HUWE1: variants seen among roughly 807,000 people sequenced by gnomAD.
HUWE1 encodes E3 ubiquitin-protein ligase HUWE1.
HUWE1 carries 18 observed loss-of-function variants against 299.4 expected under a neutral mutation model. The ratio of observed to expected loss-of-function variants is 0.06; its 90% CI spans 0.04 to 0.09. The LOEUF (loss-of-function observed/expected upper bound fraction) is 0.09, where lower values mean the gene tolerates loss of function less well. Among genes scored for constraint, HUWE1 ranks in the 10% least tolerant of loss-of-function variants. The pLI is 1.00. For missense variants in HUWE1, 1,832 were observed against 3,462.3 expected, an observed-to-expected ratio of 0.53 and a Z score of 11.82; for synonymous variants, 1,317 against 1,286.1, an observed-to-expected ratio of 1.02 and a Z score of -0.51.
At chrX:53,574,320 C>T (rs2062992315) in intron 46 of HUWE1, among the ~76,000 whole-genome samples, 2 of 112,525 alleles carry the variant, frequency 1.8e-5, no homozygotes, top group African/African-American at 6.5e-5. Context: ...ATGCTGACCT[C>T]CTCCATAAAT....
chrX:53,569,172 G>C (rs2062706833), intron 48 of HUWE1, among the ~76,000 whole-genome samples: 1 of 111,274 alleles, frequency 9.0e-6, no homozygotes, highest in Non-Finnish European at 1.9e-5. Context: ...GACTACGGGA[G>C]CGTGCCACTA....
chrX:53,654,925 C>CT (rs2068675115), intron 3 of HUWE1, among the ~76,000 whole-genome samples: 1 of 111,512 alleles, frequency 9.0e-6, no homozygotes, highest in African/African-American at 3.3e-5. Flanking sequence ...CAAAACAACA[C>CT]TTTTTTCAAC....
intron 4 of HUWE1, among the ~76,000 whole-genome samples, chrX:53,652,586 A>T (rs2068540570): frequency 8.9e-6 from 1 of 112,220 alleles, no homozygotes; most frequent in Admixed American, 9.5e-5. Flanking sequence ...TTAGTAAAAG[A>T]CATTCAAGTA....
chrX:53,677,413 C>G (rs782664283), intron 3 of HUWE1, among the ~76,000 whole-genome samples: 1 of 109,703 alleles, frequency 9.1e-6, no homozygotes, highest in Non-Finnish European at 1.9e-5. Flanking sequence ...GATGAAGGAC[C>G]GTGTGGCACA....
chrX:53,623,669 TAAAC>T (rs2066293605), intron 19 of HUWE1, among the ~76,000 whole-genome samples: 1 of 112,110 alleles, frequency 8.9e-6, no homozygotes, highest in African/African-American at 3.2e-5. Flanking sequence ...ACAAAGACCA[TAAAC>T]AAAGTAAAAA....
rs782578229 is a variant in HUWE1, at chrX:53,538,724, A to ACT, written c.11878+109_11878+110dup. The ACT allele has an allele frequency of 7.2e-3, 3,005 of 419,661 alleles. 29 individuals are homozygous for ACT. Among genetic ancestry groups the ACT allele is most frequent in the African/African-American group, 0.013 (423 of 31,879 alleles). 34.6% of individuals were successfully genotyped at this position (419,661 alleles called of 1,213,427 possible). ...CACACACACACACACACACACACAC[A>ACT]CTCTCTCTCTCTCTCTCTCTCTCTC... On this transcript the variant is annotated intron_variant, in intron 76 of 83. Coordinates refer to ENST00000262854, the MANE Select transcript of HUWE1 (RefSeq NM_031407.7).
intron 3 of HUWE1, among the ~76,000 whole-genome samples, chrX:53,663,080 AG>A (rs2069085356): frequency 1.8e-5 from 2 of 112,598 alleles, no homozygotes; most frequent in South Asian, 7.3e-4. Flanking sequence ...TGTCAAAATG[AG>A]GTATGTCCAC....
At chrX:53,660,189 A>AC (rs1557044654) in intron 3 of HUWE1, among the ~76,000 whole-genome samples, 1 of 111,513 alleles carries the variant, frequency 9.0e-6, no homozygotes, top group Admixed American at 9.5e-5. Flanking sequence ...CTACAGCCAG[A>AC]CCCCCCACGG....
Position 53,533,179 on chromosome X carries a change from GAC to G in HUWE1, c.*128_*129del. 2.0e-6 allele frequency: 1 copy of G among 501,591 alleles called. No individual in the cohort carries two copies. The highest frequency in any genetic ancestry group is 2.8e-5 in the South Asian group (1 of 35,827). The allele number at this position is 501,591 out of a possible 1,213,427, so 41.3% of individuals were successfully genotyped here. On this transcript the variant is annotated 3_prime_UTR_variant, in exon 84 of 84. Coordinates refer to ENST00000262854, the MANE Select transcript of HUWE1 (RefSeq NM_031407.7). ...GCGCTGGGGAAGATGGGGCAGCTGGGACACACACGGTGAGTTGGTGGATTTCA... is the reference window on the plus strand; with the variant it reads ...GCGCTGGGGAAGATGGGGCAGCTGGGACACACGGTGAGTTGGTGGATTTCA...
At chrX:53,674,487 T>G (rs1557050425) in intron 3 of HUWE1, among the ~76,000 whole-genome samples, 3 of 112,268 alleles carry the variant, frequency 2.7e-5, no homozygotes, top group Non-Finnish European at 5.6e-5. Context: ...CTCAAAGAAA[T>G]AAATGCATCT....
At chrX:53,542,829 TTCAAG>T (rs1322811154) in intron 73 of HUWE1, 2 of 319,108 alleles carry the variant, frequency 6.3e-6, no homozygotes, top group African/African-American at 2.9e-5. Context: ...GTATATAGAC[TTCAAG>T]TCTTCTTCTG....
intron 47 of HUWE1, among the ~76,000 whole-genome samples, chrX:53,570,298 C>T (rs1457806829): frequency 8.9e-6 from 1 of 112,067 alleles, no homozygotes; most frequent in Non-Finnish European, 1.9e-5. Flanking sequence ...AAAATATTTT[C>T]ACATGTGATA....
intron 8 of HUWE1, among the ~76,000 whole-genome samples, chrX:53,633,037 T>C (rs1381304450): frequency 2.7e-5 from 3 of 112,865 alleles, no homozygotes; most frequent in East Asian, 2.8e-4. Context: ...GTATGCCTCA[T>C]AGGCATATCT....
chrX:53,538,371 A>T lies in HUWE1; in HGVS notation c.11962T>A (p.Tyr3988Asn), dbSNP rs1556915048. ...ACATCAAAGTCGAGGACACGAATGT[A>T]GTCTACCAGGACAGCAAAAGGCCCA... Reference protein sequence around the residue: ...ADGPFAVLVDYIRVLDFDVKR... With the variant: ...ADGPFAVLVDNIRVLDFDVKR... The change falls in exon 77 of 84, where the codon TAC becomes AAC. Residue 3988 changes from tyrosine to asparagine, a missense_variant. This residue lies in a region of HUWE1 where 129 missense variants were observed against 439.4 expected (regional missense o/e 0.29). Transcript: ENST00000262854. 1 of 1,205,580 alleles carries T rather than the reference A, an allele frequency of 8.3e-7. No individual in the cohort carries two copies. The highest frequency in any genetic ancestry group is 1.1e-6 in the Non-Finnish European group (1 of 891,568).
intron 49 of HUWE1, among the ~76,000 whole-genome samples, chrX:53,566,147 A>G (rs918066848): frequency 1.1e-4 from 10 of 94,106 alleles, no homozygotes; most frequent in Non-Finnish European, 1.5e-4. Flanking sequence ...ATATATATAT[A>G]TATATATATA....
rs1349927051 is a variant in HUWE1, at chrX:53,648,233, G to T, written c.123C>A (p.Ile41=). The change falls in exon 5 of 84, where the codon ATC becomes ATA. Residue 41 remains isoleucine (I), a synonymous_variant. Transcript: ENST00000262854. ...DEQLLLELQQ[I]KTWNIGKCEL... is the part of the protein sequence containing the mutation. The stretch of plus-strand genomic sequence containing the variant: ...ATACCTTTCCAATGTTCCATGTTTT[G>T]ATCTGCTGCAGTTCCAAGAGAAGTT... 8.3e-7 allele frequency: 1 copy of T among 1,197,847 alleles called. No individual in the cohort carries two copies. The highest frequency in any genetic ancestry group is 1.1e-6 in the Non-Finnish European group (1 of 884,244).
intron 43 of HUWE1, among the ~76,000 whole-genome samples, chrX:53,578,622 G>C (rs1240612151): frequency 2.1e-5 from 2 of 95,509 alleles, no homozygotes; most frequent in East Asian, 3.5e-4. Flanking sequence ...CCGTCCGGGA[G>C]GGAGGTGGGG....
intron 4 of HUWE1, among the ~76,000 whole-genome samples, chrX:53,651,451 C>G (rs2068459827): frequency 1.8e-5 from 2 of 111,604 alleles, no homozygotes; most frequent in Non-Finnish European, 3.8e-5. Context: ...TGCTGCTCAT[C>G]CTTTGTATAA....
Position 53,580,746 on chromosome X carries a change from G to T in HUWE1, c.5716+85C>A, listed in dbSNP as rs1159154658. On this transcript the variant is annotated intron_variant, in intron 43 of 83. Coordinates refer to ENST00000262854, the MANE Select transcript of HUWE1 (RefSeq NM_031407.7). ...ATACTTGCCTAAGGAGGCTCTTCAA[G>T]TTACAGACCTCCTCATAAATAAATT... 3 of 962,655 alleles carry T rather than the reference G, an allele frequency of 3.1e-6. No homozygotes were observed. The East Asian group carries it at 9.5e-5, about 30-fold the overall frequency. 79.3% of individuals were successfully genotyped at this position (962,655 alleles called of 1,213,427 possible).
Sources: gnomAD v4.1 joint callset for allele counts (sites outside exome capture counted in the v4.1 genomes callset) on GRCh38, gnomAD v4.1.1 for gene constraint, gnomAD v4.1.1 regional missense constraint, MANE v1.5 for transcripts, NCBI Gene and HGNC (gene_info 2026-07-23, HGNC 2026-07-21) for gene names.